The following ZNF708 variants were observed in gnomAD, a reference collection of about 807,000 sequenced individuals.
The protein encoded by ZNF708 is ZNF15, ZNF15L1.
ZNF708 carries 44 observed loss-of-function variants against 47.0 expected under a neutral mutation model. The ratio of observed to expected loss-of-function variants is 0.94; its 90% CI spans 0.74 to 1.20. ZNF708 has a LOEUF of 1.20. Ranked by LOEUF, ZNF708 falls within the 50% of genes most tolerant of loss-of-function variation. The pLI is 0.00. For synonymous variants in ZNF708, 184 were observed against 218.5 expected (o/e 0.84, Z 1.39); for missense variants, 557 against 656.0 (o/e 0.85, Z 1.65).
Position 21,297,250 on chromosome 19 carries a change from A to ATATATATACCT in ZNF708, c.227-2512_227-2511insAGGTATATATA, listed in dbSNP as rs1451928598. 5.2e-3 allele frequency among the ~76,000 whole-genome samples: 58 copies of ATATATATACCT among 11,228 alleles called. 2 individuals carry two copies. Among genetic ancestry groups the ATATATATACCT allele is most frequent in the African/African-American group, 0.015 (54 of 3,488 alleles). The allele number at this position is 11,228 out of a possible 152,430, so 7.4% of individuals were successfully genotyped here. On this transcript the variant is annotated intron_variant, in intron 3 of 3. Coordinates refer to ENST00000356929, the MANE Select transcript of ZNF708 (RefSeq NM_021269.3). ...ATTTTTGTATGCAAATAAGGTATAT[A>ATATATATACCT]TATATATATATATATATATATTTTT...
Position 21,294,674 on chromosome 19 carries a change from C to A in ZNF708, c.292G>T (p.Val98Leu). 1 of 1,613,880 alleles carries A rather than the reference C, an allele frequency of 6.2e-7. No individual in the cohort carries two copies. Among genetic ancestry groups the A allele is most frequent in the African/African-American group, 1.3e-5 (1 of 75,030 alleles). Residue 98 changes from valine to leucine, a missense_variant, in exon 4 of 4, where the codon GTG (valine) becomes TTG (leucine). By Grantham distance (32) the Val-to-Leu change is conservative (BLOSUM62 1). Transcript: ENST00000356929. ...EQYIKNSFQQVILRRYGKCGY... is the reference protein window; with the variant it reads ...EQYIKNSFQQLILRRYGKCGY... ...CATTTTCCATATCTTCTCAGTATCACTTGTTGGAAAGAATTTTTTATATAT... is the reference window on the plus strand; with the variant it reads ...CATTTTCCATATCTTCTCAGTATCAATTGTTGGAAAGAATTTTTTATATAT...
intron 3 of ZNF708, among the ~76,000 whole-genome samples, chr19:21,308,641 G>C (rs1972836661): frequency 6.6e-6 from 1 of 151,990 alleles, no homozygotes. Context: ...CAACTCCTAG[G>C]CTTAAGGGAT....
intron 3 of ZNF708, among the ~76,000 whole-genome samples, chr19:21,303,709 A>G (rs981196115): frequency 6.6e-6 from 1 of 152,058 alleles, no homozygotes; most frequent in Non-Finnish European, 1.5e-5. Context: ...GTAACGTAAT[A>G]GAAAAAATTT....
chr19:21,310,486 A>C lies in ZNF708; in HGVS notation c.130+15T>G. ...ATAAATAATAAAAATTAAAAAAAAAAAAACTTATCCTCACCCAGGAATACC... is the reference window on the plus strand; with the variant it reads ...ATAAATAATAAAAATTAAAAAAAAACAAACTTATCCTCACCCAGGAATACC... On this transcript the variant is annotated intron_variant, in intron 2 of 3. Coordinates refer to ENST00000356929, the MANE Select transcript of ZNF708 (RefSeq NM_021269.3). 3 of 1,320,948 alleles carry C rather than the reference A, an allele frequency of 2.3e-6. No individual in the cohort carries two copies. Among genetic ancestry groups the C allele is most frequent in the Non-Finnish European group, 2.9e-6 (3 of 1,020,546 alleles). The allele number at this position is 1,320,948 out of a possible 1,614,324, so 81.8% of individuals were successfully genotyped here.
At chr19:21,304,712 T>C (rs1972725706) in intron 3 of ZNF708, among the ~76,000 whole-genome samples, 1 of 152,062 alleles carries the variant, frequency 6.6e-6, no homozygotes. Context: ...CTGTCGCTAC[T>C]AATAAATCAA....
intron 1 of ZNF708, among the ~76,000 whole-genome samples, chr19:21,322,393 C>T (rs933746141): frequency 6.6e-6 from 1 of 151,902 alleles, no homozygotes; most frequent in Non-Finnish European, 1.5e-5. Context: ...CCTCTGCCTC[C>T]CGGGTTCAAG....
chr19:21,316,133 C>CTTTTTTTTTTTTTTTTTT (rs544312163), intron 1 of ZNF708, among the ~76,000 whole-genome samples: 18 of 105,482 alleles, frequency 1.7e-4, no homozygotes, highest in East Asian at 6.1e-4. Context: ...TTTCTTTTTT[C>CTTTTTTTTTTTTTTTTTT]TTTTTTTTTT....
intron 1 of ZNF708, chr19:21,328,197 AGCCAT>A: frequency 6.1e-6 from 1 of 162,688 alleles, no homozygotes; most frequent in Non-Finnish European, 1.3e-5. Flanking sequence ...AAAAAAAAAA[AGCCAT>A]AGAAATTTCA....
chr19:21,298,783 T>C (rs1423757072), intron 3 of ZNF708, among the ~76,000 whole-genome samples: 1 of 152,222 alleles, frequency 6.6e-6, no homozygotes. Context: ...ATTGCAGCAC[T>C]GTTACTGAAA....
intron 1 of ZNF708, among the ~76,000 whole-genome samples, chr19:21,311,696 A>G (rs1484616788): frequency 1.3e-5 from 2 of 152,192 alleles, no homozygotes; most frequent in Non-Finnish European, 2.9e-5. Flanking sequence ...GACTTGCAGA[A>G]AAAGTCCACC....
intron 1 of ZNF708, among the ~76,000 whole-genome samples, chr19:21,317,072 C>T (rs1273527372): frequency 6.6e-6 from 1 of 151,692 alleles, no homozygotes. Flanking sequence ...CAGGTGTGAG[C>T]CACCGTGCTC....
intron 1 of ZNF708, among the ~76,000 whole-genome samples, chr19:21,325,463 G>A (rs1047392942): frequency 6.6e-6 from 1 of 152,088 alleles, no homozygotes; most frequent in East Asian, 1.9e-4. Flanking sequence ...CATAAAGTGG[G>A]GAAAGGACAC....
At chr19:21,319,784 C>G (rs1052737449) in intron 1 of ZNF708, among the ~76,000 whole-genome samples, 5 of 152,132 alleles carry the variant, frequency 3.3e-5, no homozygotes, top group Non-Finnish European at 7.4e-5. Flanking sequence ...AGAATGGCTA[C>G]TGTTAAAAAG....
At chr19:21,307,044 A>C (rs1972786924) in intron 3 of ZNF708, 1 of 147,526 alleles carries the variant, frequency 6.8e-6, no homozygotes, top group East Asian at 1.9e-4. Flanking sequence ...CATAAAATAA[A>C]ATAAAATAAA....
intron 3 of ZNF708, among the ~76,000 whole-genome samples, chr19:21,306,193 T>C (rs1420809814): frequency 6.6e-6 from 1 of 151,976 alleles, no homozygotes; most frequent in Non-Finnish European, 1.5e-5. Context: ...ACTAAATGCA[T>C]GAGCAACAAC....
At position 21,309,233 on chromosome 19, in the gene ZNF708, C is replaced by A; in HGVS notation, c.226+13G>T. The A allele has an allele frequency of 6.3e-7, 1 of 1,586,792 alleles. No individual in the cohort carries two copies. The highest frequency in any genetic ancestry group is 8.6e-7 in the Non-Finnish European group (1 of 1,162,056). On this transcript the variant is annotated intron_variant, in intron 3 of 3. Transcript: ENST00000356929. ...TCACATCTGTGTCATCTGTTGTGTTCACTCTCACCTACCTGGGGGTTTGGC... is the reference window on the plus strand; with the variant it reads ...TCACATCTGTGTCATCTGTTGTGTTAACTCTCACCTACCTGGGGGTTTGGC...
intron 1 of ZNF708, among the ~76,000 whole-genome samples, chr19:21,317,982 A>G (rs1482432929): frequency 6.6e-6 from 1 of 152,144 alleles, no homozygotes; most frequent in Non-Finnish European, 1.5e-5. Context: ...CTATGTTCTG[A>G]GCACTCAGCT....
rs1973329958 is a variant in ZNF708, at chr19:21,329,359, G to A, written c.-147C>T. 4.6e-6 allele frequency: 6 copies of A among 1,318,486 alleles called. No individual in the cohort carries two copies. In the Admixed American group the frequency reaches 7.5e-5, roughly 16 times the overall value. 81.7% of individuals were successfully genotyped at this position (1,318,486 alleles called of 1,614,324 possible). A position where few individuals can be genotyped will look rare whatever the true frequency, so the allele number is the denominator to read the frequency against. ...AGCTCCGGCTGCAGCAAGAGACAAA[G>A]GCCGCGCCAAACCCGGAAGCCGCCC... On this transcript the variant is annotated 5_prime_UTR_variant, in exon 1 of 4. Transcript: ENST00000356929.
In ZNF708 at chr19:21,292,920, A is replaced by G. The variant is rs1433894836; in HGVS notation, c.*354T>C. On this transcript the variant is annotated 3_prime_UTR_variant, in exon 4 of 4. Coordinates refer to ENST00000356929, the MANE Select transcript of ZNF708 (RefSeq NM_021269.3). Reference sequence around the variant, plus strand: ...TTACCTACAATCAAGTGTGACAATCATTTAAAGATTTTGTCACATTTTTCG... The same window carrying G: ...TTACCTACAATCAAGTGTGACAATCGTTTAAAGATTTTGTCACATTTTTCG... 1 of 198,086 alleles carries G rather than the reference A, an allele frequency of 5.0e-6. No individual in the cohort carries two copies. Among genetic ancestry groups the G allele is most frequent in the African/African-American group, 2.4e-5 (1 of 42,292 alleles). The allele number at this position is 198,086 out of a possible 1,614,324, so 12.3% of individuals were successfully genotyped here.
Sources: allele counts gnomAD v4.1 joint callset (sites outside exome capture counted in the v4.1 genomes callset), GRCh38; gene constraint gnomAD v4.1.1; transcripts MANE v1.5; gene names NCBI Gene and HGNC (gene_info 2026-07-23, HGNC 2026-07-21).